ABHD2: variants seen among roughly 807,000 people sequenced by gnomAD.
ABHD2 encodes monoacylglycerol lipase ABHD2.
In ABHD2, 20 loss-of-function variants were observed where a neutral mutation model predicts 48.1. The ratio of observed to expected loss-of-function variants is 0.42; its 90% CI spans 0.29 to 0.60. ABHD2 has a LOEUF of 0.60. ABHD2 is among the 20% of genes least tolerant of loss of function. The pLI, the probability that ABHD2 is intolerant of heterozygous loss-of-function variation, is 0.24. For synonymous variants in ABHD2, 209 were observed against 214.2 expected (o/e 0.98, Z 0.21); for missense variants, 405 against 550.9 (o/e 0.74, Z 2.65).
At position 89,151,153 on chromosome 15, in the gene ABHD2, C is replaced by T. The variant is rs1292073024; in HGVS notation, c.195-524C>T. 6.6e-6 allele frequency among the ~76,000 whole-genome samples: 1 copy of T among 152,224 alleles called. No homozygotes were observed. The highest frequency in any genetic ancestry group is 2.4e-5 in the African/African-American group (1 of 41,468). On this transcript the variant is annotated intron_variant, in intron 3 of 10. Transcript: ENST00000352732. This position sits in a 1 kb window ranked among gnomAD's most constrained non-coding sequence, Gnocchi z 4.7. Reference sequence around the variant, plus strand: ...AGTAGTGCCCTCACCCCACAAGGCACTTACAGGCTCTTAGAAGAATTTGCA... The same window carrying T: ...AGTAGTGCCCTCACCCCACAAGGCATTTACAGGCTCTTAGAAGAATTTGCA...
In ABHD2 at chr15:89,092,969, T is replaced by C. The variant is rs1567063580; in HGVS notation, c.-107+4406T>C. 6.6e-6 allele frequency among the ~76,000 whole-genome samples: 1 copy of C among 151,744 alleles called. No individual in the cohort carries two copies. The highest frequency in any genetic ancestry group is 1.5e-5 in the Non-Finnish European group (1 of 67,954). Reference sequence around the variant, plus strand: ...CTTTTCTGTGAGAGCCCGGGGGAGGTGCAGGGGAGCTTCTAAAGGTCAGCT... The same window carrying C: ...CTTTTCTGTGAGAGCCCGGGGGAGGCGCAGGGGAGCTTCTAAAGGTCAGCT... On this transcript the variant is annotated intron_variant, in intron 1 of 10. Coordinates refer to ENST00000352732, the MANE Select transcript of ABHD2 (RefSeq NM_152924.5). The surrounding 1 kb of genome is among the most constrained non-coding windows in gnomAD (Gnocchi z 4.4).
chr15:89,057,163 G>A, the ABHD2 span, among the ~76,000 whole-genome samples: 154 of 152,170 alleles, frequency 1.0e-3, 2 homozygotes, highest in East Asian at 0.022. Context: ...ATCCGCCTGC[G>A]TCAGCCTCCC....
At chr15:89,111,575 T>C (rs2049875731) in intron 1 of ABHD2, among the ~76,000 whole-genome samples, 1 of 152,198 alleles carries the variant, frequency 6.6e-6, no homozygotes, top group African/African-American at 2.4e-5. Context: ...GTTGCAGCCA[T>C]GTTTTCTGCA....
intron 4 of ABHD2, among the ~76,000 whole-genome samples, chr15:89,154,537 G>A (rs968009032): frequency 4.6e-5 from 7 of 152,120 alleles, no homozygotes; most frequent in Admixed American, 2.6e-4. Flanking sequence ...CCTGCTCAGT[G>A]GTACCCACTC....
intron 3 of ABHD2, among the ~76,000 whole-genome samples, chr15:89,143,527 C>A (rs567472246): frequency 6.6e-6 from 1 of 151,994 alleles, no homozygotes; most frequent in Non-Finnish European, 1.5e-5. Context: ...ATTAGCTGGG[C>A]ATAGTGGTGC....
intron 3 of ABHD2, among the ~76,000 whole-genome samples, chr15:89,132,218 G>A (rs1157829312): frequency 6.6e-6 from 1 of 152,182 alleles, no homozygotes; most frequent in Non-Finnish European, 1.5e-5. Flanking sequence ...TTCAAATGCA[G>A]GGTCCGCTGT....
At chr15:89,135,530 C>A in intron 3 of ABHD2, 1 of 1,317,058 alleles carries the variant, frequency 7.6e-7, no homozygotes, top group Non-Finnish European at 1.1e-6. Context: ...AAAAAAACTA[C>A]ACTAGAACCA....
At chr15:89,075,073 C>T in the ABHD2 span, among the ~76,000 whole-genome samples, 1 of 152,184 alleles carries the variant, frequency 6.6e-6, no homozygotes. The surrounding 1 kb of genome is among the most constrained non-coding windows in gnomAD (Gnocchi z 4.1). Flanking sequence ...GGTAATTCTT[C>T]TCTTTCAATT....
At chr15:89,193,141 C>G (rs2051335073) in intron 9 of ABHD2, 94 bp from the exon 10 acceptor site, 1 of 1,266,286 alleles carries the variant, frequency 7.9e-7, no homozygotes, top group Non-Finnish European at 1.1e-6. Context: ...CCCTTTGCTT[C>G]AAAAACATGT....
At chr15:89,090,611 A>G (rs763151743) in intron 1 of ABHD2, among the ~76,000 whole-genome samples, 9 of 151,734 alleles carry the variant, frequency 5.9e-5, no homozygotes, top group Admixed American at 2.0e-4. Context: ...TTTAGTTTCT[A>G]TGTTAGTTCC....
chr15:89,057,122 CA>C, the ABHD2 span, among the ~76,000 whole-genome samples: 636 of 152,160 alleles, frequency 4.2e-3, 7 homozygotes, highest in African/African-American at 0.014. Context: ...ACCGTGTTAG[CA>C]GGCTGGTCTT....
At chr15:89,149,214 AACACACACAC>A (rs35689320) in intron 3 of ABHD2, among the ~76,000 whole-genome samples, 2 of 148,238 alleles carry the variant, frequency 1.3e-5, no homozygotes, top group African/African-American at 2.5e-5. Context: ...ATTGATCCCT[AACACACACAC>A]ACACACACAC....
At chr15:89,057,402 A>G in the ABHD2 span, among the ~76,000 whole-genome samples, 1 of 152,184 alleles carries the variant, frequency 6.6e-6, no homozygotes, top group Non-Finnish European at 1.5e-5. Flanking sequence ...GGGTTTCTGA[A>G]GATGAGGTAG....
At chr15:89,070,906 T>C in the ABHD2 span, among the ~76,000 whole-genome samples, 1 of 152,090 alleles carries the variant, frequency 6.6e-6, no homozygotes, top group Admixed American at 6.6e-5. Flanking sequence ...TCATGGCCTT[T>C]GGCTCTGCCG....
chr15:89,060,256 A>G, the ABHD2 span, among the ~76,000 whole-genome samples: 3 of 151,628 alleles, frequency 2.0e-5, no homozygotes, highest in Non-Finnish European at 4.4e-5. Context: ...ATGCCCGGCT[A>G]ATTTTTTTGT....
rs1169902535 is a variant in ABHD2, at chr15:89,192,508, TC to T, written c.997-726del. Among the ~76,000 whole-genome samples, 98 of 151,656 alleles carry T rather than the reference TC, an allele frequency of 6.5e-4. 2 individuals are homozygous for T. Among genetic ancestry groups the T allele is most frequent in the South Asian group, 4.2e-4 (2 of 4,798 alleles). On this transcript the variant is annotated intron_variant, in intron 9 of 10. Transcript: ENST00000352732. ...TTCAACCTTCAGATTCTTTTTCTTT[TC>T]TTTTTTTTTTTTTTTAAAGAGACAG...
rs1018724114 is a variant in ABHD2, at chr15:89,104,525, C to T, written c.-106-9200C>T. 3.3e-5 allele frequency among the ~76,000 whole-genome samples: 5 copies of T among 152,206 alleles called. No individual in the cohort carries two copies. The highest frequency in any genetic ancestry group is 7.3e-5 in the Non-Finnish European group (5 of 68,032). ...GTGTGTATTAGCCAAGTACTGGGGG[C>T]ACTGGGAGCCTTGTCTGCTCCCAGT... On this transcript the variant is annotated intron_variant, in intron 1 of 10. Coordinates refer to ENST00000352732, the MANE Select transcript of ABHD2 (RefSeq NM_152924.5). This position sits in a 1 kb window ranked among gnomAD's most constrained non-coding sequence, Gnocchi z 4.4.
chr15:89,160,266 G>T (rs2050741841), intron 5 of ABHD2, among the ~76,000 whole-genome samples: 1 of 152,206 alleles, frequency 6.6e-6, no homozygotes, highest in African/African-American at 2.4e-5. Context: ...TAACATGCTA[G>T]AACTGGAAAC....
At chr15:89,156,298 T>C (rs2050673052) in intron 5 of ABHD2, among the ~76,000 whole-genome samples, 1 of 152,002 alleles carries the variant, frequency 6.6e-6, no homozygotes, top group Non-Finnish European at 1.5e-5. Context: ...TTTTTTTGTA[T>C]TTTTAGTAGA....
Sources: allele counts gnomAD v4.1 joint callset (sites outside exome capture counted in the v4.1 genomes callset), GRCh38; gene constraint gnomAD v4.1.1; non-coding constraint Gnocchi (gnomAD v3.1); transcripts MANE v1.5; gene names NCBI Gene and HGNC (gene_info 2026-07-23, HGNC 2026-07-21).